Variants in PTPRT observed in about 807,000 individuals in gnomAD.
PTPRT encodes receptor-type tyrosine-protein phosphatase T.
In PTPRT, 56 loss-of-function variants were observed where a neutral mutation model predicts 176.8. That is an observed-to-expected ratio of 0.32 (90% confidence interval 0.26 to 0.40). The LOEUF (loss-of-function observed/expected upper bound fraction) is 0.40. Among genes scored for constraint, PTPRT ranks in the 10% least tolerant of loss-of-function variants. The pLI is 1.00. For synonymous variants in PTPRT, 783 were observed against 739.0 expected (o/e 1.06, Z -0.96); for missense variants, 1,540 against 1,908.2 (o/e 0.81, Z 3.60).
At chr20:42,506,605 G>A (rs1399761598) in intron 7 of PTPRT, among the ~76,000 whole-genome samples, 1 of 151,988 alleles carries the variant, frequency 6.6e-6, no homozygotes, top group Non-Finnish European at 1.5e-5. Context: ...AATAATTTGT[G>A]TAATCCCTGA....
intron 2 of PTPRT, among the ~76,000 whole-genome samples, chr20:42,838,640 G>A (rs1422327347): frequency 3.3e-5 from 5 of 152,212 alleles, no homozygotes; most frequent in Admixed American, 2.0e-4. Context: ...CAGAGGAGAG[G>A]ATCAGAAGGG....
intron 7 of PTPRT, among the ~76,000 whole-genome samples, chr20:42,517,766 T>G (rs554158469): frequency 1.3e-5 from 2 of 152,118 alleles, no homozygotes; most frequent in South Asian, 4.1e-4. Context: ...TAGGAGAGAT[T>G]TAAGTCCACA....
intron 15 of PTPRT, among the ~76,000 whole-genome samples, chr20:42,227,177 GGGGAAGAGGAGGAA>G (rs768354087): frequency 9.2e-5 from 14 of 151,802 alleles, no homozygotes; most frequent in Non-Finnish European, 2.1e-4. Flanking sequence ...GAGGAGAGAA[GGGGAAGAGGAGGAA>G]GGGAAGAGGA....
At chr20:43,036,618 T>A (rs1303097568) in intron 1 of PTPRT, among the ~76,000 whole-genome samples, 1 of 152,078 alleles carries the variant, frequency 6.6e-6, no homozygotes. Context: ...CAGCTCACAA[T>A]GGAATAAAAT....
chr20:42,167,632 A>G lies in PTPRT; in HGVS notation c.2492-6090T>C, dbSNP rs118018697. On this transcript the variant is annotated intron_variant, in intron 16 of 30. Transcript: ENST00000373187. ...TAGCTAGCGACTGCTCATTGAGAGGAGAGAGTCTGGAAGAGGAGAGAAGTT... is the reference window on the plus strand; with the variant it reads ...TAGCTAGCGACTGCTCATTGAGAGGGGAGAGTCTGGAAGAGGAGAGAAGTT... Among the ~76,000 whole-genome samples, 243 of 152,294 alleles carry G rather than the reference A, an allele frequency of 1.6e-3. 7 individuals are homozygous for G. In the East Asian group the frequency reaches 0.044, roughly 28 times the overall value.
At chr20:42,528,422 A>G (rs766899539) in intron 7 of PTPRT, among the ~76,000 whole-genome samples, 5 of 146,610 alleles carry the variant, frequency 3.4e-5, no homozygotes, top group Non-Finnish European at 5.9e-5. Flanking sequence ...ATAAATGAAT[A>G]TCCATTCATT....
intron 13 of PTPRT, among the ~76,000 whole-genome samples, chr20:42,274,822 A>G (rs1364637673): frequency 6.6e-6 from 1 of 152,160 alleles, no homozygotes; most frequent in Admixed American, 6.5e-5. Context: ...CTGCTCCAGG[A>G]CTTAGCTTGA....
chr20:42,174,485 T>C (rs2146557035), intron 16 of PTPRT, among the ~76,000 whole-genome samples: 1 of 152,258 alleles, frequency 6.6e-6, no homozygotes, highest in South Asian at 2.1e-4. Flanking sequence ...AACCCGGTAT[T>C]GATAGATCCA....
rs1289168095 is a variant in PTPRT at position 42,313,496 on chromosome 20, T to C, written c.2139+2227A>G. 3.3e-5 allele frequency among the ~76,000 whole-genome samples: 5 copies of C among 152,190 alleles called. 1 individual carries two copies. Among genetic ancestry groups the C allele is most frequent in the African/African-American group, 1.2e-4 (5 of 41,462 alleles). ...CTTATGGTGAGGACATTCCTTCTGA[T>C]GTGCATTTGTTGGTTTCCCGGGTTC... On this transcript the variant is annotated intron_variant, in intron 12 of 30. Coordinates refer to ENST00000373187, the MANE Select transcript of PTPRT (RefSeq NM_007050.6).
chr20:42,864,869 A>G (rs1035557972), intron 2 of PTPRT, among the ~76,000 whole-genome samples: 1 of 152,260 alleles, frequency 6.6e-6, no homozygotes, highest in Non-Finnish European at 1.5e-5. Context: ...TCAGGCTTGT[A>G]AAGGTGACAT....
intron 8 of PTPRT, among the ~76,000 whole-genome samples, chr20:42,461,434 G>A (rs2071017956): frequency 6.6e-6 from 1 of 152,200 alleles, no homozygotes; most frequent in Admixed American, 6.5e-5. Context: ...CTACTGGAGA[G>A]GGTGAGGTGG....
intron 1 of PTPRT, among the ~76,000 whole-genome samples, chr20:43,026,442 A>T (rs943428722): frequency 1.3e-5 from 2 of 152,004 alleles, no homozygotes; most frequent in African/African-American, 2.4e-5. Context: ...TCTAATTTTT[A>T]ATTTTTGAGA....
intron 7 of PTPRT, among the ~76,000 whole-genome samples, chr20:42,483,208 C>G (rs1307102536): frequency 1.3e-5 from 2 of 152,142 alleles, no homozygotes; most frequent in African/African-American, 4.8e-5. Context: ...CTCTGTCACC[C>G]AGGCTGGAGT....
intron 11 of PTPRT, among the ~76,000 whole-genome samples, chr20:42,329,314 C>T (rs1027020643): frequency 6.6e-6 from 1 of 152,046 alleles, no homozygotes; most frequent in Admixed American, 6.6e-5. Context: ...CATAGGGAAA[C>T]ATAAGTGGGT....
intron 2 of PTPRT, among the ~76,000 whole-genome samples, chr20:42,871,893 A>C (rs79469622): frequency 0.014 from 2,169 of 152,338 alleles, 64 homozygotes; most frequent in African/African-American, 0.05. Context: ...ACTGATGGAC[A>C]CATCATGCTT....
chr20:42,350,225 T>TGTTTTGTTTTG (rs11086831), intron 11 of PTPRT, among the ~76,000 whole-genome samples: 2 of 66,214 alleles, frequency 3.0e-5, no homozygotes, highest in African/African-American at 5.7e-5. Context: ...TTTTTTTTTT[T>TGTTTTGTTTTG]TTTTTTTTTT....
At chr20:42,220,466 C>T (rs1246958625) in intron 15 of PTPRT, among the ~76,000 whole-genome samples, 2 of 152,062 alleles carry the variant, frequency 1.3e-5, no homozygotes, top group Non-Finnish European at 2.9e-5. Context: ...AATCCCAGCA[C>T]TTTGGGAAGC....
chr20:42,785,678 C>A (rs891855199), intron 3 of PTPRT, among the ~76,000 whole-genome samples: 3 of 152,116 alleles, frequency 2.0e-5, no homozygotes, highest in Non-Finnish European at 1.5e-5. Flanking sequence ...GCTGTAGTAG[C>A]CAATAAGGTG....
chr20:43,080,089 C>T (rs1266487649), intron 1 of PTPRT, among the ~76,000 whole-genome samples: 2 of 152,178 alleles, frequency 1.3e-5, no homozygotes, highest in Admixed American at 1.3e-4. Flanking sequence ...TCCATGGGGC[C>T]CCTCACATTG....
Sources: gnomAD v4.1 joint callset for allele counts (sites outside exome capture counted in the v4.1 genomes callset) on GRCh38, gnomAD v4.1.1 for gene constraint, MANE v1.5 for transcripts, NCBI Gene and HGNC (gene_info 2026-07-23, HGNC 2026-07-21) for gene names.